Variants in FER1L6 observed in about 807,000 individuals in gnomAD.
The protein encoded by FER1L6 is fer-1-like protein 6.
A neutral mutation model predicts 219.2 loss-of-function variants in FER1L6; 177 were observed. That is an observed-to-expected ratio of 0.81 (90% confidence interval 0.71 to 0.91). The LOEUF (loss-of-function observed/expected upper bound fraction) is 0.91. Among genes scored for constraint, FER1L6 ranks in the 40% least tolerant of loss-of-function variants. The pLI is 0.00. For synonymous variants in FER1L6, 768 were observed against 824.3 expected (o/e 0.93, Z 1.17); for missense variants, 2,153 against 2,259.9 (o/e 0.95, Z 0.96).
intron 22 of FER1L6, among the ~76,000 whole-genome samples, chr8:124,055,375 GA>G (rs903775882): frequency 6.1e-5 from 9 of 148,392 alleles, no homozygotes; most frequent in South Asian, 4.3e-4. Context: ...ACCCTGTCTT[GA>G]AAAAAAAAAT....
At chr8:124,018,182 C>T (rs1229392519) in intron 16 of FER1L6, among the ~76,000 whole-genome samples, 3 of 152,208 alleles carry the variant, frequency 2.0e-5, no homozygotes, top group Non-Finnish European at 4.4e-5. Flanking sequence ...CTAACAGTTG[C>T]TCAGTTCTTC....
chr8:123,917,419 C>T (rs1037584922), intron 1 of FER1L6, among the ~76,000 whole-genome samples: 1 of 152,240 alleles, frequency 6.6e-6, no homozygotes, highest in Admixed American at 6.5e-5. Flanking sequence ...TTGCTGTGCA[C>T]TCTAACATTC....
At chr8:124,025,101 G>A (rs1334818521) in intron 18 of FER1L6, among the ~76,000 whole-genome samples, 1 of 151,990 alleles carries the variant, frequency 6.6e-6, no homozygotes, top group African/African-American at 2.4e-5. Context: ...CTGGATATTA[G>A]TCCTTTATGG....
rs1003339942 is a variant in FER1L6 at position 124,079,864 on chromosome 8, A to T, written c.4221-2424A>T. On this transcript the variant is annotated intron_variant, in intron 32 of 40. Coordinates refer to ENST00000522917, the MANE Select transcript of FER1L6 (RefSeq NM_001039112.2). ...TGGAGCAGGGAGAATTCCCATCTGC[A>T]TTCAAGGCTCAGCCAAAGAGTCATC... Among the ~76,000 whole-genome samples, 5 of 152,190 alleles carry T rather than the reference A, an allele frequency of 3.3e-5. No individual in the cohort carries two copies. In the East Asian group the frequency reaches 9.6e-4, roughly 29 times the overall value.
intron 34 of FER1L6, among the ~76,000 whole-genome samples, chr8:124,093,084 A>G (rs1306256397): frequency 6.6e-6 from 1 of 152,080 alleles, no homozygotes; most frequent in Non-Finnish European, 1.5e-5. Flanking sequence ...TTGGCCTTCC[A>G]AAGTGCTGGG....
chr8:124,101,279 C>G lies in FER1L6; in HGVS notation c.5066C>G (p.Pro1689Arg). The change falls in exon 38 of 41, where the codon CCT becomes CGT. Residue 1689 changes from proline to arginine, a missense_variant. Pro to Arg is a moderately radical substitution (Grantham distance 103). Coordinates refer to ENST00000522917, the MANE Select transcript of FER1L6 (RefSeq NM_001039112.2). ...FSLEKMECKTPAVLVLQVWDF... is the reference protein window; with the variant it reads ...FSLEKMECKTRAVLVLQVWDF... ...TTAGAGAAGATGGAGTGTAAGACTCCTGCTGTGTTGGTGCTGCAGGTTTGG... is the reference window on the plus strand; with the variant it reads ...TTAGAGAAGATGGAGTGTAAGACTCGTGCTGTGTTGGTGCTGCAGGTTTGG... 6.2e-7 allele frequency: 1 copy of G among 1,613,842 alleles called. No individual in the cohort carries two copies. Among genetic ancestry groups the G allele is most frequent in the Non-Finnish European group, 8.5e-7 (1 of 1,179,878 alleles).
intron 1 of FER1L6, among the ~76,000 whole-genome samples, chr8:123,873,533 G>T: frequency 6.6e-6 from 1 of 152,030 alleles, no homozygotes; most frequent in Non-Finnish European, 1.5e-5. Context: ...CTCACTGATG[G>T]CTTTAAGCCA....
At position 124,082,407 on chromosome 8, in the gene FER1L6, G is replaced by A. The variant is rs766629020; in HGVS notation, c.4340G>A (p.Arg1447His). ...IGETKIDLEN[R>H]FYSKHRAICG... ...GAGACCAAGATCGACCTGGAGAACC[G>A]CTTCTACAGCAAACACCGAGCCATC... Residue 1447 changes from arginine to histidine, a missense_variant, in exon 33 of 41, where the codon CGC becomes CAC. Transcript: ENST00000522917. The A allele has an allele frequency of 2.9e-5, 46 of 1,613,926 alleles. No individual in the cohort carries two copies. Among genetic ancestry groups the A allele is most frequent in the East Asian group, 4.5e-5 (2 of 44,892 alleles).
Sources: gnomAD v4.1 joint callset for allele counts (sites outside exome capture counted in the v4.1 genomes callset) on GRCh38, gnomAD v4.1.1 for gene constraint, MANE v1.5 for transcripts, NCBI Gene and HGNC (gene_info 2026-07-23, HGNC 2026-07-21) for gene names.